SLC71A2: variants seen among roughly 807,000 people sequenced by gnomAD.
SLC71A2 encodes the protein hippocampus abundant transcript-like 1.
the SLC71A2 span, among the ~76,000 whole-genome samples, chr9:94,410,419 T>C: frequency 1.3e-5 from 2 of 151,938 alleles, no homozygotes; most frequent in South Asian, 4.2e-4. Flanking sequence ...TTTCCCCCCC[T>C]AAGAGATGGG....
At chr9:94,451,520 T>C in the SLC71A2 span, 1 of 1,545,434 alleles carries the variant, frequency 6.5e-7, no homozygotes, top group Non-Finnish European at 8.8e-7. Flanking sequence ...CTGTCTATTG[T>C]GGCTCAGGTG....
the SLC71A2 span, among the ~76,000 whole-genome samples, chr9:94,444,434 G>C: frequency 6.6e-6 from 1 of 152,136 alleles, no homozygotes; most frequent in African/African-American, 2.4e-5. Flanking sequence ...AATAGCAGAG[G>C]GTTCCCCCTG....
chr9:94,458,250 A>G, the SLC71A2 span: 1 of 1,366,158 alleles, frequency 7.3e-7, no homozygotes, highest in Non-Finnish European at 1.0e-6. Context: ...GTTATGAGAA[A>G]GTACTGTGCA....
the SLC71A2 span, among the ~76,000 whole-genome samples, chr9:94,426,927 C>T: frequency 3.3e-5 from 5 of 152,142 alleles, no homozygotes; most frequent in South Asian, 2.1e-4. Flanking sequence ...CTTGATCTTC[C>T]GGGCTCAAGG....
chr9:94,413,389 G>C, the SLC71A2 span, among the ~76,000 whole-genome samples: 46 of 152,222 alleles, frequency 3.0e-4, no homozygotes, highest in Admixed American at 5.2e-4. Flanking sequence ...GGAACTCTTG[G>C]TTTTTGCAAC....
At chr9:94,381,828 A>C in the SLC71A2 span, among the ~76,000 whole-genome samples, 3 of 152,156 alleles carry the variant, frequency 2.0e-5, no homozygotes, top group Non-Finnish European at 4.4e-5. Context: ...AAATAAAATA[A>C]ATTGCCAAAC....
At chr9:94,374,935 C>G in the SLC71A2 span, 6 of 1,263,278 alleles carry the variant, frequency 4.7e-6, no homozygotes, top group African/African-American at 9.4e-5. Context: ...TGGGTGAGCG[C>G]GGGCGCGGGG....
At chr9:94,449,127 A>G in the SLC71A2 span, among the ~76,000 whole-genome samples, 2 of 152,158 alleles carry the variant, frequency 1.3e-5, no homozygotes, top group African/African-American at 4.8e-5. Context: ...AAAAAGTTAC[A>G]TCTCTTTATG....
chr9:94,460,154 G>A, the SLC71A2 span: 1 of 152,280 alleles, frequency 6.6e-6, no homozygotes, highest in Admixed American at 6.6e-5. Context: ...TGATTTTACA[G>A]AAGAAAAAAA....
chr9:94,458,464 G>A, the SLC71A2 span: 1 of 1,613,378 alleles, frequency 6.2e-7, no homozygotes, highest in Non-Finnish European at 8.5e-7. Flanking sequence ...TTCCCCTGCA[G>A]GTAATTTGGT....
chr9:94,438,909 G>T, the SLC71A2 span, among the ~76,000 whole-genome samples: 946 of 152,182 alleles, frequency 6.2e-3, 7 homozygotes, highest in African/African-American at 0.021. Context: ...TCAGCTCATC[G>T]CTGTGGGGCA....
At chr9:94,424,326 C>G in the SLC71A2 span, among the ~76,000 whole-genome samples, 31 of 152,094 alleles carry the variant, frequency 2.0e-4, no homozygotes, top group African/African-American at 7.2e-4. Context: ...CCTCCGCCTT[C>G]TGGGTTCAAG....
the SLC71A2 span, among the ~76,000 whole-genome samples, chr9:94,452,614 A>AATAT: frequency 7.1e-5 from 10 of 141,058 alleles, no homozygotes; most frequent in Admixed American, 1.4e-4. Context: ...AGAGAGGGAG[A>AATAT]ATATATATAT....
the SLC71A2 span, chr9:94,459,291 G>A: frequency 1.2e-6 from 2 of 1,614,162 alleles, no homozygotes; most frequent in Non-Finnish European, 1.7e-6. Context: ...AGCAGCAGCG[G>A]CAGCCTGACC....
chr9:94,421,275 A>G, the SLC71A2 span, among the ~76,000 whole-genome samples: 2 of 152,154 alleles, frequency 1.3e-5, no homozygotes, highest in African/African-American at 2.4e-5. Flanking sequence ...AAGATGTACA[A>G]ATTATAAATA....
chr9:94,459,071 T>C, the SLC71A2 span: 1 of 1,308,962 alleles, frequency 7.6e-7, no homozygotes, highest in Non-Finnish European at 1.1e-6. Context: ...CACTTTTTGG[T>C]GGTGTGTTTT....
At chr9:94,405,467 C>T in the SLC71A2 span, among the ~76,000 whole-genome samples, 4 of 150,382 alleles carry the variant, frequency 2.7e-5, no homozygotes, top group Non-Finnish European at 5.9e-5. Flanking sequence ...CCACTGCACT[C>T]CAGCCTGGGC....
the SLC71A2 span, among the ~76,000 whole-genome samples, chr9:94,431,593 C>T: frequency 1.3e-5 from 2 of 151,386 alleles, no homozygotes; most frequent in African/African-American, 2.4e-5. Context: ...ATGTTGAACA[C>T]TTAGTACACA....
chr9:94,453,818 G>C, the SLC71A2 span: 60 of 642,892 alleles, frequency 9.3e-5, 1 homozygote, highest in South Asian at 1.0e-3. Context: ...CATCAGTACT[G>C]TCCAGACTCT....
Sources: gnomAD v4.1 joint callset for allele counts (sites outside exome capture counted in the v4.1 genomes callset) on GRCh38, gnomAD v4.1.1 for gene constraint, MANE v1.5 for transcripts, NCBI Gene and HGNC (gene_info 2026-07-23, HGNC 2026-07-21) for gene names.